TRPC7: variants seen among roughly 807,000 people sequenced by gnomAD.
TRPC7 encodes transient receptor potential cation channel subfamily C member 7, also known as short transient receptor potential channel 7.
TRPC7 carries 42 observed loss-of-function variants against 90.1 expected under a neutral mutation model. That is an observed-to-expected ratio of 0.47 (90% CI 0.36 to 0.60). The LOEUF is 0.60. Among genes scored for constraint, TRPC7 ranks in the 20% least tolerant of loss-of-function variants. The probability of loss-of-function intolerance (pLI) is 0.00; values close to 1 mark genes in which losing one functional copy is unlikely to be tolerated. For missense variants in TRPC7, 955 were observed against 1,112.3 expected, an observed-to-expected ratio of 0.86 and a Z score of 2.01; for synonymous variants, 451 against 436.3, an observed-to-expected ratio of 1.03 and a Z score of -0.42.
At chr5:136,299,915 C>T (rs1758318061) in intron 3 of TRPC7, among the ~76,000 whole-genome samples, 1 of 152,162 alleles carries the variant, frequency 6.6e-6, no homozygotes, top group African/African-American at 2.4e-5. Context: ...TTCCTCTCTT[C>T]CTATTAACCC....
At position 136,247,596 on chromosome 5, in the gene TRPC7, C is replaced by T. The variant is rs1458016699; in HGVS notation, c.1719G>A (p.Gly573=). ...ESFGPLQISL[G]RTVKDIFKFM... is the part of the protein sequence containing the mutation. The stretch of plus-strand genomic sequence containing the variant: ...ACTTGAAGATATCTTTCACAGTTCT[C>T]CCTAGCGAGATCTGCAGGGGCCCAA... Residue 573 remains glycine, a synonymous_variant, in exon 7 of 12, where the codon GGG becomes GGA. Transcript: ENST00000513104. This position sits in a 1 kb window ranked among gnomAD's most constrained non-coding sequence, Gnocchi z 4.2. The T allele has an allele frequency of 1.3e-5, 21 of 1,613,846 alleles. No individual in the cohort carries two copies. In the East Asian group the frequency reaches 4.5e-4, roughly 34 times the overall value.
intron 8 of TRPC7, among the ~76,000 whole-genome samples, chr5:136,230,818 A>G (rs1311074248): frequency 2.0e-5 from 3 of 152,074 alleles, no homozygotes; most frequent in South Asian, 2.1e-4. Context: ...CCCATAGTCA[A>G]TCTCTGTCTC....
intron 3 of TRPC7, among the ~76,000 whole-genome samples, chr5:136,305,760 C>T (rs547886200): frequency 3.0e-4 from 46 of 152,274 alleles, no homozygotes; most frequent in Non-Finnish European, 5.6e-4. Context: ...TTTTCAGGCT[C>T]TTAGTATTCC....
In TRPC7 at chr5:136,266,316, G is replaced by A; in HGVS notation, c.1249C>T (p.Pro417Ser). 6.2e-7 allele frequency: 1 copy of A among 1,613,842 alleles called. No homozygotes were observed. Among genetic ancestry groups the A allele is most frequent in the Middle Eastern group, 1.6e-4 (1 of 6,062 alleles). Residue 417 changes from proline to serine, a missense_variant, in exon 5 of 12, where the codon CCA becomes TCA. Coordinates refer to ENST00000513104, the MANE Select transcript of TRPC7 (RefSeq NM_020389.3). ...GGGTAGTCTGTGAAGGTTTCGTTTG[G>A]CAGGGTTTTAACACCTTCAAATCGG... ...SDRFEGVKTLPNETFTDYPKQ... is the reference protein window; with the variant it reads ...SDRFEGVKTLSNETFTDYPKQ...
chr5:136,349,695 T>C (rs1179064068), intron 2 of TRPC7, among the ~76,000 whole-genome samples: 2 of 152,208 alleles, frequency 1.3e-5, no homozygotes, highest in Admixed American at 6.5e-5. Flanking sequence ...TCCTAGCAAC[T>C]TGATGAATGG....
Position 136,266,426 on chromosome 5 carries a change from G to A in TRPC7, c.1139C>T (p.Thr380Ile). 6.2e-7 allele frequency: 1 copy of A among 1,613,358 alleles called. No individual in the cohort carries two copies. The highest frequency in any genetic ancestry group is 8.5e-7 in the Non-Finnish European group (1 of 1,179,548). The change falls in exon 5 of 12, where the codon ACC becomes ATC. Residue 380 changes from threonine to isoleucine, a missense_variant. Coordinates refer to ENST00000513104, the MANE Select transcript of TRPC7 (RefSeq NM_020389.3). ...AAACTTCATGAAAGGGCTCCTCAGG[G>A]TTCGTCCTAGCTGGAAAGAAAATGT... ...WIAPCSKLGR[T>I]LRSPFMKFVA...
chr5:136,252,130 A>G (rs1264088919), intron 5 of TRPC7, among the ~76,000 whole-genome samples: 1 of 152,198 alleles, frequency 6.6e-6, no homozygotes, highest in Non-Finnish European at 1.5e-5. Context: ...ATTCGTTGAT[A>G]GATTCTTGGA....
intron 1 of TRPC7, among the ~76,000 whole-genome samples, chr5:136,359,203 G>A (rs1295774441): frequency 6.6e-6 from 1 of 152,166 alleles, no homozygotes; most frequent in Non-Finnish European, 1.5e-5. Flanking sequence ...CTCCTTGGGG[G>A]CCGTATGTCT....
intron 2 of TRPC7, among the ~76,000 whole-genome samples, chr5:136,354,495 C>T (rs1003731111): frequency 1.3e-5 from 2 of 152,102 alleles, no homozygotes; most frequent in African/African-American, 4.8e-5. Context: ...CCTTTCTGTC[C>T]CTGGCTTATG....
chr5:136,232,456 T>G (rs1755849154), intron 7 of TRPC7, among the ~76,000 whole-genome samples: 1 of 152,198 alleles, frequency 6.6e-6, no homozygotes, highest in African/African-American at 2.4e-5. Flanking sequence ...CTTTCTAAAC[T>G]GGGGCTGAAT....
intron 7 of TRPC7, among the ~76,000 whole-genome samples, chr5:136,236,884 T>C (rs1755998172): frequency 6.6e-6 from 1 of 152,130 alleles, no homozygotes; most frequent in African/African-American, 2.4e-5. Flanking sequence ...CCTAATCAAA[T>C]CATCATATAG....
At chr5:136,258,389 T>G (rs890205041) in intron 5 of TRPC7, among the ~76,000 whole-genome samples, 6 of 152,184 alleles carry the variant, frequency 3.9e-5, no homozygotes, top group Non-Finnish European at 8.8e-5. Context: ...GCGTTTTATA[T>G]CCAAGCTGAG....
chr5:136,276,714 A>T (rs1757376829), intron 3 of TRPC7, among the ~76,000 whole-genome samples: 1 of 152,330 alleles, frequency 6.6e-6, no homozygotes, highest in Non-Finnish European at 1.5e-5. Flanking sequence ...AAGAATAGCA[A>T]TGGATTATCC....
chr5:136,227,895 C>T (rs1755681601), intron 8 of TRPC7, among the ~76,000 whole-genome samples: 1 of 152,352 alleles, frequency 6.6e-6, no homozygotes, highest in African/African-American at 2.4e-5. Flanking sequence ...CAGTGCCAGA[C>T]ATTTAGTAAG....
intron 2 of TRPC7, among the ~76,000 whole-genome samples, chr5:136,323,683 A>T (rs189297464): frequency 1.7e-4 from 26 of 152,220 alleles, no homozygotes; most frequent in Non-Finnish European, 3.1e-4. Flanking sequence ...TGTTTCCTTG[A>T]TCTATATGCT....
intron 2 of TRPC7, among the ~76,000 whole-genome samples, chr5:136,353,907 G>A (rs569678040): frequency 6.6e-6 from 1 of 152,104 alleles, no homozygotes; most frequent in Non-Finnish European, 1.5e-5. Context: ...CGAACTTCCA[G>A]TTTTAGATAT....
Position 136,226,196 on chromosome 5 carries a change from A to G in TRPC7, c.2100T>C (p.Asp700=). 6.4e-7 allele frequency: 1 copy of G among 1,553,334 alleles called. No homozygotes were observed. The change falls in exon 9 of 12, where the codon GAT becomes GAC. Residue 700 remains aspartate, a synonymous_variant. Coordinates refer to ENST00000513104, the MANE Select transcript of TRPC7 (RefSeq NM_020389.3). The part of the protein sequence containing the change: ...ARAKLWLSYF[D]EGRTLPAPFN... ...AAGGAGCAGGTAGAGTTCTTCCTTCATCAAAGTAAGACAGCCAGAGTTTTG... is the reference window on the plus strand; with the variant it reads ...AAGGAGCAGGTAGAGTTCTTCCTTCGTCAAAGTAAGACAGCCAGAGTTTTG...
At chr5:136,361,132 G>C (rs946061755) in intron 1 of TRPC7, among the ~76,000 whole-genome samples, 3 of 152,154 alleles carry the variant, frequency 2.0e-5, no homozygotes, top group Non-Finnish European at 2.9e-5. Flanking sequence ...TCTTATCACA[G>C]TTTTAGGGCC....
intron 3 of TRPC7, among the ~76,000 whole-genome samples, chr5:136,307,565 T>C (rs1758680679): frequency 1.3e-5 from 2 of 152,268 alleles, no homozygotes; most frequent in Non-Finnish European, 2.9e-5. Context: ...GGTTATAGCC[T>C]GGATCCTGAA....
Sources: allele counts gnomAD v4.1 joint callset (sites outside exome capture counted in the v4.1 genomes callset), GRCh38; gene constraint gnomAD v4.1.1; non-coding constraint Gnocchi (gnomAD v3.1); transcripts MANE v1.5; gene names NCBI Gene and HGNC (gene_info 2026-07-23, HGNC 2026-07-21).